The following NIN variants were observed in gnomAD, a reference collection of about 807,000 sequenced individuals.
The protein encoded by NIN is glycogen synthase kinase 3 beta-interacting protein.
NIN carries 137 observed loss-of-function variants against 257.6 expected under a neutral mutation model. The ratio of observed to expected loss-of-function variants is 0.53; its 90% CI spans 0.46 to 0.61. The LOEUF is 0.61. Ranked by LOEUF, NIN falls within the 20% of genes least tolerant of loss-of-function variation. NIN has a pLI of 0.00. For synonymous variants in NIN, 918 were observed against 919.8 expected (o/e 1.00, Z 0.04); for missense variants, 2,439 against 2,501.2 (o/e 0.98, Z 0.53).
Position 50,741,573 on chromosome 14 carries a change from AC to A in NIN, c.5448+8del. On this transcript the variant is annotated splice_region_variant and intron_variant, in intron 25 of 30. Transcript: ENST00000530997. ...TAACTTATACCTAAATAAAAAAAGAACAAATCACCTTGCCACCAGCATTCTG... is the reference window on the plus strand; with the variant it reads ...TAACTTATACCTAAATAAAAAAAGAAAAATCACCTTGCCACCAGCATTCTG... The A allele has an allele frequency of 6.2e-7, 1 of 1,611,720 alleles. No individual in the cohort carries two copies. The highest frequency in any genetic ancestry group is 1.3e-5 in the African/African-American group (1 of 74,810).
intron 3 of NIN, among the ~76,000 whole-genome samples, chr14:50,808,922 T>A (rs914383933): frequency 1.4e-4 from 21 of 152,150 alleles, no homozygotes; most frequent in Non-Finnish European, 1.2e-4. Flanking sequence ...ATTACTTTTA[T>A]AAAGAATCAG....
At chr14:50,794,222 A>G (rs949889375) in intron 4 of NIN, among the ~76,000 whole-genome samples, 7 of 152,178 alleles carry the variant, frequency 4.6e-5, no homozygotes, top group African/African-American at 1.7e-4. Flanking sequence ...CTCGGATTTC[A>G]CTATCTTCAC....
At chr14:50,755,648 CTTTTTTTTTTTTTTTTTTTTTTTTTT>C (rs71118900) in intron 18 of NIN, among the ~76,000 whole-genome samples, 1 of 79,992 alleles carries the variant, frequency 1.3e-5, no homozygotes, top group East Asian at 4.4e-4. Flanking sequence ...TGTTTTGTCT[CTTTTTTTTTTTTTTTTTTTTTTTTTT>C]TTTTAAAAGA....
At chr14:50,823,542 T>C in intron 2 of NIN, 1 of 229,732 alleles carries the variant, frequency 4.4e-6, no homozygotes, top group Non-Finnish European at 8.9e-6. Context: ...TTGCTTTCTT[T>C]CCATAGACAG....
intron 17 of NIN, 97 bp from the exon 18 acceptor site, chr14:50,758,727 A>G: frequency 1.8e-6 from 2 of 1,125,294 alleles, no homozygotes; most frequent in Non-Finnish European, 2.5e-6. Flanking sequence ...TGCTGAGCAA[A>G]CAACTGAAAT....
chr14:50,735,482 C>T (rs368296478), intron 28 of NIN, 34 bp downstream of exon 28: 46 of 1,606,826 alleles, frequency 2.9e-5, no homozygotes, highest in African/African-American at 4.0e-5. Context: ...TTAACATATT[C>T]TTCATAGCTA....
intron 3 of NIN, among the ~76,000 whole-genome samples, chr14:50,810,958 A>G (rs1366697605): frequency 1.3e-5 from 2 of 152,076 alleles, no homozygotes; most frequent in Non-Finnish European, 2.9e-5. Flanking sequence ...CACCGCGCCC[A>G]GCCTTTAAAA....
intron 11 of NIN, 136 bp from the exon 12 acceptor site, chr14:50,770,698 T>C (rs1202730874): frequency 1.5e-6 from 2 of 1,343,002 alleles, no homozygotes; most frequent in African/African-American, 1.5e-5. Flanking sequence ...TGCTTTCCCT[T>C]AGGGCTTGAC....
At position 50,758,616 on chromosome 14, in the gene NIN, G is replaced by A. The variant is rs1053236280; in HGVS notation, c.2414C>T (p.Thr805Ile). ...ELQEGREKMETECNRRTSQIE... is the reference protein window; with the variant it reads ...ELQEGREKMEIECNRRTSQIE... The stretch of plus-strand genomic sequence containing the variant: ...TTGAGAGGTTCTTCTATTACACTCT[G>A]TTTCCATTTTTTCCCTAAATATAGT... Residue 805 changes from threonine to isoleucine, a missense_variant, in exon 18 of 31, where the codon ACA becomes ATA. Physicochemically the swap from Thr to Ile is moderately conservative, Grantham distance 89. This residue lies in a region of NIN where 2,043 missense variants were observed against 2,050.2 expected (regional missense o/e 1.00). Coordinates refer to ENST00000530997, the MANE Select transcript of NIN (RefSeq NM_020921.4). 3 of 1,561,346 alleles carry A rather than the reference G, an allele frequency of 1.9e-6. No homozygotes were observed. The highest frequency in any genetic ancestry group is 2.6e-6 in the Non-Finnish European group (3 of 1,155,700).
Position 50,778,448 on chromosome 14 carries a change from G to A in NIN, c.475+317C>T, listed in dbSNP as rs11844378. Reference sequence around the variant, plus strand: ...CTCCCAAAGTGCTGGGATTACAGGCGTGAGCCACTGTACCTGGCCAAGGGA... The same window carrying A: ...CTCCCAAAGTGCTGGGATTACAGGCATGAGCCACTGTACCTGGCCAAGGGA... On this transcript the variant is annotated intron_variant, in intron 6 of 30. Transcript: ENST00000530997. Among the ~76,000 whole-genome samples, 237 of 152,292 alleles carry A rather than the reference G, an allele frequency of 1.6e-3. 1 individual carries two copies. Among genetic ancestry groups the A allele is most frequent in the African/African-American group, 5.5e-3 (227 of 41,562 alleles).
At chr14:50,736,623 C>T (rs538449596) in intron 27 of NIN, among the ~76,000 whole-genome samples, 1 of 152,212 alleles carries the variant, frequency 6.6e-6, no homozygotes, top group African/African-American at 2.4e-5. Flanking sequence ...TTTTAAACTT[C>T]AGTATTATTA....
chr14:50,749,716 G>T (rs994019520), intron 21 of NIN, among the ~76,000 whole-genome samples: 3 of 151,918 alleles, frequency 2.0e-5, no homozygotes, highest in African/African-American at 7.3e-5. Flanking sequence ...GGGAGATAAG[G>T]TCTCACTCTG....
chr14:50,772,611 C>T, intron 8 of NIN, 143 bp from the exon 9 acceptor site: 3 of 729,396 alleles, frequency 4.1e-6, no homozygotes, highest in Admixed American at 2.6e-5. Flanking sequence ...CCTCTCTGAT[C>T]TCTGTTCCCA....
At chr14:50,811,721 G>A (rs957477172) in intron 3 of NIN, among the ~76,000 whole-genome samples, 2 of 151,968 alleles carry the variant, frequency 1.3e-5, no homozygotes, top group East Asian at 3.9e-4. Flanking sequence ...GCAACACGGT[G>A]AAATCCCATC....
chr14:50,729,412 G>C (rs1392785461), intron 29 of NIN, 111 bp downstream of exon 29: 1 of 1,017,116 alleles, frequency 9.8e-7, no homozygotes, highest in East Asian at 2.6e-5. Context: ...TGGGACTACA[G>C]GTGTGTGCCA....
At chr14:50,732,816 C>G (rs2040785708) in intron 28 of NIN, among the ~76,000 whole-genome samples, 1 of 152,036 alleles carries the variant, frequency 6.6e-6, no homozygotes, top group South Asian at 2.1e-4. Context: ...CAACCTCCAT[C>G]TCCTGGGTTC....
At chr14:50,741,529 T>C in intron 25 of NIN, 53 bp downstream of exon 25, 1 of 1,531,486 alleles carries the variant, frequency 6.5e-7, no homozygotes, top group South Asian at 1.2e-5. Flanking sequence ...GTCCTAAGAT[T>C]TGTATACTTT....
At chr14:50,806,878 T>A in intron 3 of NIN, 60 bp from the exon 4 acceptor site, 1 of 797,012 alleles carries the variant, frequency 1.3e-6, no homozygotes. Flanking sequence ...TGCAAACCTA[T>A]CTACAAGGTA....
chr14:50,807,436 C>A (rs926847402), intron 3 of NIN, among the ~76,000 whole-genome samples: 6 of 152,126 alleles, frequency 3.9e-5, no homozygotes, highest in African/African-American at 1.4e-4. Context: ...TTGGAAAGAA[C>A]CTGAGTTTTA....
Sources: allele counts gnomAD v4.1 joint callset (sites outside exome capture counted in the v4.1 genomes callset), GRCh38; gene constraint gnomAD v4.1.1; regional missense constraint gnomAD v4.1.1; transcripts MANE v1.5; gene names NCBI Gene and HGNC (gene_info 2026-07-23, HGNC 2026-07-21).